ROBO2: variants seen among roughly 807,000 people sequenced by gnomAD.
ROBO2 encodes the protein roundabout guidance receptor 2.
ROBO2 carries 53 observed loss-of-function variants against 160.8 expected under a neutral mutation model. The observed-to-expected ratio is 0.33, with a 90% CI of 0.26 to 0.41. The LOEUF is 0.41. ROBO2 is among the 10% of genes least tolerant of loss of function. The pLI is 1.00. For synonymous variants in ROBO2, 664 were observed against 611.7 expected (o/e 1.09, Z -1.26); for missense variants, 1,577 against 1,722.4 (o/e 0.92, Z 1.49).
At chr3:77,077,967 GC>G in intron 1 of ROBO2, among the ~76,000 whole-genome samples, 1 of 152,090 alleles carries the variant, frequency 6.6e-6, no homozygotes, top group African/African-American at 2.4e-5. Flanking sequence ...ACTCAAGTCT[GC>G]CCCCCAGCAC....
intron 2 of ROBO2, among the ~76,000 whole-genome samples, chr3:76,399,370 G>A (rs2077679430): frequency 1.3e-5 from 2 of 151,538 alleles, no homozygotes; most frequent in African/African-American, 2.4e-5. Context: ...AAACATTATT[G>A]CTATTGTACA....
At chr3:76,322,178 A>G (rs2072596525) in intron 2 of ROBO2, among the ~76,000 whole-genome samples, 2 of 56,574 alleles carry the variant, frequency 3.5e-5, no homozygotes, top group East Asian at 4.9e-4. Flanking sequence ...ATATATATAT[A>G]TATATATATA....
chr3:77,193,969 T>C (rs13075412), intron 2 of ROBO2, among the ~76,000 whole-genome samples: 29,705 of 152,082 alleles, frequency 0.2, 3,329 homozygotes, highest in Middle Eastern at 0.3. Flanking sequence ...TATTTTCAGA[T>C]ATTTAGATTA....
chr3:76,157,190 T>C (rs577286223), intron 2 of ROBO2, among the ~76,000 whole-genome samples: 9 of 152,198 alleles, frequency 5.9e-5, no homozygotes, highest in Non-Finnish European at 1.5e-5. Flanking sequence ...TATGCATCCA[T>C]TGAACTTTAA....
intron 2 of ROBO2, among the ~76,000 whole-genome samples, chr3:76,453,767 T>A (rs1241073106): frequency 6.6e-6 from 1 of 152,176 alleles, no homozygotes; most frequent in Non-Finnish European, 1.5e-5. Flanking sequence ...TTACCCTAAG[T>A]ATCCTCTAAA....
chr3:76,404,848 C>T (rs1333533824), intron 2 of ROBO2, among the ~76,000 whole-genome samples: 2 of 151,408 alleles, frequency 1.3e-5, no homozygotes, highest in African/African-American at 4.8e-5. Context: ...ATTTTTGTGG[C>T]TTGGTTGTGA....
chr3:76,971,475 A>G (rs2059568493), intron 2 of ROBO2, among the ~76,000 whole-genome samples: 1 of 152,152 alleles, frequency 6.6e-6, no homozygotes, highest in Non-Finnish European at 1.5e-5. Flanking sequence ...GTTAGATTTT[A>G]TATGTCAGAT....
intron 2 of ROBO2, among the ~76,000 whole-genome samples, chr3:76,543,877 T>C (rs769336853): frequency 1.2e-4 from 18 of 152,032 alleles, no homozygotes; most frequent in Non-Finnish European, 2.4e-4. Context: ...CTCAGATCTC[T>C]TATTTCTAGC....
intron 2 of ROBO2, among the ~76,000 whole-genome samples, chr3:76,090,707 T>A (rs906718835): frequency 6.6e-6 from 1 of 152,158 alleles, no homozygotes; most frequent in African/African-American, 2.4e-5. Context: ...AAAGCTATTG[T>A]AATCAAAACA....
chr3:76,076,273 G>A (rs1374812255), intron 2 of ROBO2, among the ~76,000 whole-genome samples: 2 of 152,104 alleles, frequency 1.3e-5, no homozygotes, highest in Non-Finnish European at 1.5e-5. Context: ...GGTCTGAATT[G>A]CTATCTCTAA....
chr3:76,855,511 C>A lies in ROBO2; in HGVS notation c.110-242503C>A, dbSNP rs377028927. On this transcript the variant is annotated intron_variant, in intron 2 of 26. Coordinates refer to the ROBO2 transcript ENST00000487694. ...TTTTCACAATATAAAAGAAATAGTTCTCTTTTGATAAGATTGCATAATTCC... is the reference window on the plus strand; with the variant it reads ...TTTTCACAATATAAAAGAAATAGTTATCTTTTGATAAGATTGCATAATTCC... 3.0e-4 allele frequency among the ~76,000 whole-genome samples: 46 copies of A among 152,300 alleles called. No individual in the cohort carries two copies. The South Asian group carries it at 9.3e-3, about 31-fold the overall frequency.
At chr3:77,067,224 C>T (rs922364402) in intron 1 of ROBO2, among the ~76,000 whole-genome samples, 1 of 152,034 alleles carries the variant, frequency 6.6e-6, no homozygotes, top group Non-Finnish European at 1.5e-5. Context: ...AGCCAGAGTC[C>T]CTCCAAACAT....
At chr3:75,979,189 A>G (rs779681191) in intron 2 of ROBO2, among the ~76,000 whole-genome samples, 2 of 151,592 alleles carry the variant, frequency 1.3e-5, no homozygotes, top group African/African-American at 2.4e-5. Context: ...ATAAAAAGTT[A>G]TGGCAGTGAT....
At chr3:76,514,007 G>T (rs1470461900) in intron 2 of ROBO2, among the ~76,000 whole-genome samples, 1 of 152,070 alleles carries the variant, frequency 6.6e-6, no homozygotes, top group Non-Finnish European at 1.5e-5. Context: ...ATAAATATAT[G>T]ATTAGAATTG....
At chr3:76,099,410 AT>A (rs553048740) in intron 2 of ROBO2, among the ~76,000 whole-genome samples, 137 of 148,444 alleles carry the variant, frequency 9.2e-4, no homozygotes, top group African/African-American at 3.3e-3. Context: ...AAAAAAAAAA[AT>A]GTAATTACCA....
At chr3:76,639,557 T>C (rs2090539411) in intron 2 of ROBO2, among the ~76,000 whole-genome samples, 1 of 152,092 alleles carries the variant, frequency 6.6e-6, no homozygotes, top group Non-Finnish European at 1.5e-5. Flanking sequence ...AAATAGTTAT[T>C]GTTCACAAAA....
chr3:76,645,918 G>C (rs576537241), intron 2 of ROBO2, among the ~76,000 whole-genome samples: 2 of 152,212 alleles, frequency 1.3e-5, no homozygotes, highest in South Asian at 4.1e-4. Context: ...CCATTGTATA[G>C]AGAAGAAAAG....
rs184032140 is a variant in ROBO2 at position 76,286,912 on chromosome 3, G to A, written c.109+349310G>A. On this transcript the variant is annotated intron_variant, in intron 2 of 26. Coordinates refer to the ROBO2 transcript ENST00000487694. ...AGGAATCTTGTGTTTCTCTACAAGC[G>A]GAAATAAAGCTGTAAGAAAAGGCAT... Among the ~76,000 whole-genome samples the A allele has an allele frequency of 3.6e-3, 554 of 152,186 alleles. 3 individuals carry two copies. The highest frequency in any genetic ancestry group is 0.013 in the African/African-American group (522 of 41,514).
intron 2 of ROBO2, among the ~76,000 whole-genome samples, chr3:77,150,366 A>G (rs534110621): frequency 6.6e-6 from 1 of 152,240 alleles, no homozygotes; most frequent in Non-Finnish European, 1.5e-5. Context: ...ATTGAGAACA[A>G]AAGAAAAATT....
Sources: allele counts gnomAD v4.1 joint callset (sites outside exome capture counted in the v4.1 genomes callset), GRCh38; gene constraint gnomAD v4.1.1; transcripts MANE v1.5; gene names NCBI Gene and HGNC (gene_info 2026-07-23, HGNC 2026-07-21).